Variants in COL19A1 observed in about 807,000 individuals in gnomAD.
The protein encoded by COL19A1 is collagen alpha-1(XIX) chain.
COL19A1 carries 159 observed loss-of-function variants against 190.2 expected under a neutral mutation model. That is an observed-to-expected ratio of 0.84 (90% CI 0.73 to 0.95). The LOEUF is 0.95. COL19A1 is among the 40% of genes least tolerant of loss of function. COL19A1 has a pLI of 0.00. For missense variants in COL19A1, 1,418 were observed against 1,431.9 expected (o/e 0.99, Z 0.16); for synonymous variants, 509 against 458.9 (o/e 1.11, Z -1.39).
At chr6:70,201,354 C>T (rs1048029816) in intron 49 of COL19A1, among the ~76,000 whole-genome samples, 15 of 152,178 alleles carry the variant, frequency 9.9e-5, no homozygotes, top group Non-Finnish European at 2.9e-5. Context: ...AATTCTAAAC[C>T]CACAGTGTCA....
chr6:70,052,610 T>C (rs1780268790), intron 14 of COL19A1, among the ~76,000 whole-genome samples: 1 of 152,192 alleles, frequency 6.6e-6, no homozygotes, highest in Non-Finnish European at 1.5e-5. Context: ...TGCTGTCCTA[T>C]TTCACAGCCA....
At chr6:69,900,486 G>A (rs1046929587) in intron 4 of COL19A1, 148 bp downstream of exon 4, 1 of 442,708 alleles carries the variant, frequency 2.3e-6, no homozygotes, top group Non-Finnish European at 4.0e-6. Context: ...TAATGTATTT[G>A]TTGTTTATAA....
At chr6:70,065,489 TA>T (rs1463457157) in intron 14 of COL19A1, among the ~76,000 whole-genome samples, 6 of 152,136 alleles carry the variant, frequency 3.9e-5, no homozygotes, top group African/African-American at 7.2e-5. Flanking sequence ...ATGTTAGACC[TA>T]AAACCATAAA....
chr6:69,871,723 G>A (rs1748797364), intron 1 of COL19A1, among the ~76,000 whole-genome samples: 1 of 151,036 alleles, frequency 6.6e-6, no homozygotes, highest in African/African-American at 2.4e-5. Flanking sequence ...CAGTAAAAAT[G>A]TTAATGTTTC....
chr6:70,076,868 T>C (rs1216414225), intron 15 of COL19A1, among the ~76,000 whole-genome samples: 10 of 152,224 alleles, frequency 6.6e-5, no homozygotes, highest in Non-Finnish European at 1.5e-5. Context: ...TCAGGATCTT[T>C]ATTCAGAACA....
intron 42 of COL19A1, among the ~76,000 whole-genome samples, chr6:70,179,923 C>A (rs756099914): frequency 1.3e-5 from 2 of 152,112 alleles, no homozygotes; most frequent in Non-Finnish European, 1.5e-5. Context: ...CACTCCGTCA[C>A]CCAGGCTGGA....
At chr6:70,082,118 A>C (rs1483092311) in intron 15 of COL19A1, among the ~76,000 whole-genome samples, 1 of 152,182 alleles carries the variant, frequency 6.6e-6, no homozygotes, top group Non-Finnish European at 1.5e-5. Flanking sequence ...CACCAAAAGA[A>C]GATGCATATA....
chr6:70,098,836 A>G (rs1236132681), intron 15 of COL19A1, among the ~76,000 whole-genome samples: 8 of 152,038 alleles, frequency 5.3e-5, no homozygotes, highest in Admixed American at 5.2e-4. Context: ...GAAGGAGGGA[A>G]ACAAGACAAG....
intron 2 of COL19A1, among the ~76,000 whole-genome samples, chr6:69,883,696 G>A (rs1768719416): frequency 6.6e-6 from 1 of 152,140 alleles, no homozygotes; most frequent in Admixed American, 6.5e-5. Flanking sequence ...CACGATGACT[G>A]TAACTTTGAT....
chr6:70,008,402 T>C (rs1255475065), intron 11 of COL19A1, among the ~76,000 whole-genome samples: 1 of 151,846 alleles, frequency 6.6e-6, no homozygotes, highest in African/African-American at 2.4e-5. Flanking sequence ...CAAGGGAATA[T>C]TATCAATGAG....
intron 14 of COL19A1, among the ~76,000 whole-genome samples, chr6:70,046,243 T>C (rs1305580824): frequency 6.6e-6 from 1 of 152,214 alleles, no homozygotes; most frequent in Non-Finnish European, 1.5e-5. Flanking sequence ...TATAAATCTC[T>C]TGATTTTTTC....
intron 11 of COL19A1, among the ~76,000 whole-genome samples, chr6:69,972,448 A>G (rs1278015703): frequency 6.6e-6 from 1 of 152,236 alleles, no homozygotes. Flanking sequence ...TGCCTAGCAC[A>G]CAAAAGTATT....
chr6:70,086,852 G>A (rs1782621109), intron 15 of COL19A1, among the ~76,000 whole-genome samples: 2 of 152,094 alleles, frequency 1.3e-5, no homozygotes, highest in African/African-American at 4.8e-5. Flanking sequence ...TTCATTGTTA[G>A]CTCAGTCCAA....
At chr6:69,990,610 T>C (rs1776563460) in intron 11 of COL19A1, among the ~76,000 whole-genome samples, 1 of 151,992 alleles carries the variant, frequency 6.6e-6, no homozygotes, top group African/African-American at 2.4e-5. Context: ...TTCCATAGCC[T>C]GGATTTGCCA....
chr6:69,903,544 C>T (rs936169668), intron 4 of COL19A1, among the ~76,000 whole-genome samples: 4 of 152,146 alleles, frequency 2.6e-5, no homozygotes, highest in Admixed American at 6.5e-5. Flanking sequence ...CTTTTATGAG[C>T]CTGAAGGGCA....
intron 1 of COL19A1, among the ~76,000 whole-genome samples, chr6:69,870,761 T>C (rs895665431): frequency 9.2e-5 from 14 of 152,072 alleles, no homozygotes; most frequent in African/African-American, 3.1e-4. Context: ...GGGAACAAGA[T>C]GGAGAAAAGG....
At chr6:69,998,952 T>A (rs1280963407) in intron 11 of COL19A1, among the ~76,000 whole-genome samples, 1 of 151,966 alleles carries the variant, frequency 6.6e-6, no homozygotes, top group Non-Finnish European at 1.5e-5. Context: ...AGAGTTTATG[T>A]TTATCTTTTT....
At chr6:70,199,519 T>C in intron 48 of COL19A1, 89 bp from the exon 49 acceptor site, 1 of 1,039,116 alleles carries the variant, frequency 9.6e-7, no homozygotes, top group Non-Finnish European at 1.3e-6. Flanking sequence ...ACTAAATCTT[T>C]TTGTTTGTTT....
At chr6:70,197,750 C>G (rs1767302919) in intron 48 of COL19A1, among the ~76,000 whole-genome samples, 1 of 152,118 alleles carries the variant, frequency 6.6e-6, no homozygotes, top group Admixed American at 6.5e-5. Flanking sequence ...CCATTAGATC[C>G]CTGTTGGCCT....
Sources: gnomAD v4.1 joint callset for allele counts (sites outside exome capture counted in the v4.1 genomes callset) on GRCh38, gnomAD v4.1.1 for gene constraint, MANE v1.5 for transcripts, NCBI Gene and HGNC (gene_info 2026-07-23, HGNC 2026-07-21) for gene names.